The following SMARCA2 variants were observed in gnomAD, a reference collection of about 807,000 sequenced individuals.
The protein encoded by SMARCA2 is SWI/SNF related BAF chromatin remodeling complex subunit ATPase 2.
Under a neutral mutation model 199.8 loss-of-function variants are expected in SMARCA2, and 61 were observed. The ratio of observed to expected loss-of-function variants is 0.31; its 90% confidence interval spans 0.25 to 0.38. SMARCA2 has a LOEUF of 0.38. SMARCA2 is among the 10% of genes least tolerant of loss of function. The pLI is 1.00. For synonymous variants in SMARCA2, 935 were observed against 732.0 expected (o/e 1.28, Z -4.48); for missense variants, 1,344 against 2,012.2 (o/e 0.67, Z 6.35).
In SMARCA2 at chr9:2,047,272, G is replaced by A. The variant is rs1290768464; in HGVS notation, c.834G>A (p.Leu278=). 2 of 1,003,042 alleles carry A rather than the reference G, an allele frequency of 2.0e-6. No individual in the cohort carries two copies. Among genetic ancestry groups the A allele is most frequent in the Non-Finnish European group, 2.4e-6 (2 of 842,466 alleles). 62.1% of individuals were successfully genotyped at this position (1,003,042 alleles called of 1,614,324 possible). Residue 278 remains leucine (L), a synonymous_variant, in exon 5 of 34, where the codon CTG becomes CTA. Transcript: ENST00000349721. Reference sequence around the variant, plus strand: ...GCGGCCCGAGCACCCCGCAGAAGCTGCCGGTGCCCGCGCCCGGCGGCCGGC... The same window carrying A: ...GCGGCCCGAGCACCCCGCAGAAGCTACCGGTGCCCGCGCCCGGCGGCCGGC... ...ELSGPSTPQK[L]PVPAPGGRPS...
intron 9 of SMARCA2, among the ~76,000 whole-genome samples, chr9:2,064,996 A>AAT (rs1354742680): frequency 6.6e-6 from 1 of 152,198 alleles, no homozygotes; most frequent in African/African-American, 2.4e-5. Flanking sequence ...CATCCTGGCT[A>AAT]ACATGTTGAA....
rs770780957 is a variant in SMARCA2 at position 2,182,154 on chromosome 9, A to C, written c.4373A>C (p.Asn1458Thr). Residue 1458 changes from asparagine to threonine, a missense_variant, in exon 31 of 34, where the codon AAT becomes ACT. By Grantham distance (65) the Asn-to-Thr change is moderately conservative. Coordinates refer to ENST00000349721, the MANE Select transcript of SMARCA2 (RefSeq NM_003070.5). The stretch of plus-strand genomic sequence containing the variant: ...AATTTCCATCAGGAAAGGATTCGTA[A>C]TCATAAGTACCGGAGCCTAGGCGAC... Reference protein sequence around the residue: ...DFKKIKERIRNHKYRSLGDLE... With the variant: ...DFKKIKERIRTHKYRSLGDLE... 6.2e-7 allele frequency: 1 copy of C among 1,608,590 alleles called. No homozygotes were observed.
chr9:2,137,216 T>C (rs1824234418), intron 27 of SMARCA2, among the ~76,000 whole-genome samples: 1 of 152,204 alleles, frequency 6.6e-6, no homozygotes, highest in South Asian at 2.1e-4. Context: ...ATTTTTGGCA[T>C]TTTGGAGGAT....
At chr9:2,167,587 C>T (rs1825999382) in intron 28 of SMARCA2, among the ~76,000 whole-genome samples, 1 of 152,222 alleles carries the variant, frequency 6.6e-6, no homozygotes, top group Non-Finnish European at 1.5e-5. Context: ...TGGCTCCTGC[C>T]TCCCTGACAC....
At chr9:2,097,535 A>C in intron 21 of SMARCA2, 64 bp downstream of exon 21, 2 of 1,018,158 alleles carry the variant, frequency 2.0e-6, no homozygotes, top group Non-Finnish European at 2.9e-6. Flanking sequence ...GTTAAAAAAA[A>C]ACAAACAAAC....
chr9:2,156,359 T>C (rs961225666), intron 27 of SMARCA2, among the ~76,000 whole-genome samples: 23 of 151,970 alleles, frequency 1.5e-4, no homozygotes, highest in African/African-American at 5.6e-4. Context: ...ATTTGGTTTC[T>C]TTTCAGGGAC....
intron 1 of SMARCA2, among the ~76,000 whole-genome samples, chr9:2,018,493 T>C (rs1020329071): frequency 2.6e-5 from 4 of 152,366 alleles, no homozygotes; most frequent in Non-Finnish European, 4.4e-5. Flanking sequence ...ACTTTGTATG[T>C]GTACTGTTAG....
intron 2 of SMARCA2, 34 bp from the exon 3 acceptor site, chr9:2,032,918 G>T (rs748163872): frequency 1.2e-6 from 2 of 1,601,106 alleles, no homozygotes; most frequent in Non-Finnish European, 1.7e-6. Context: ...TTACCTTATA[G>T]AGGTGTCTAA....
chr9:2,153,785 T>C (rs1825198330), intron 27 of SMARCA2, among the ~76,000 whole-genome samples: 1 of 152,112 alleles, frequency 6.6e-6, no homozygotes, highest in South Asian at 2.1e-4. Context: ...TGGTTACTTT[T>C]ATGGTTCCAC....
chr9:2,166,939 C>T (rs1017856210), intron 28 of SMARCA2, among the ~76,000 whole-genome samples: 1 of 152,200 alleles, frequency 6.6e-6, no homozygotes, highest in African/African-American at 2.4e-5. Context: ...CTTGCCATGG[C>T]TTTTTCTAAG....
intron 20 of SMARCA2, 102 bp from the exon 21 acceptor site, chr9:2,097,283 C>T: frequency 2.8e-6 from 2 of 725,406 alleles, no homozygotes; most frequent in Admixed American, 4.6e-5. Flanking sequence ...CTGAAAAAAC[C>T]TATGGTCCTT....
At chr9:2,168,192 G>A (rs1379105383) in intron 28 of SMARCA2, among the ~76,000 whole-genome samples, 2 of 151,908 alleles carry the variant, frequency 1.3e-5, no homozygotes, top group Non-Finnish European at 1.5e-5. Context: ...TGTATTTTTG[G>A]TAGAGACAGG....
chr9:2,124,997 A>G (rs1434768507), intron 27 of SMARCA2, among the ~76,000 whole-genome samples: 1 of 152,228 alleles, frequency 6.6e-6, no homozygotes, highest in African/African-American at 2.4e-5. Flanking sequence ...CAAGGGGAGT[A>G]CAGTTCCCAA....
At position 2,085,581 on chromosome 9, in the gene SMARCA2, T is replaced by C. The variant is rs530502245; in HGVS notation, c.2527-1248T>C. The C allele has an allele frequency of 2.6e-5, 4 of 152,308 alleles. No individual in the cohort carries two copies. In the South Asian group the frequency reaches 8.3e-4, roughly 32 times the overall value. 9.4% of individuals were successfully genotyped at this position (152,308 alleles called of 1,614,324 possible). A position where few individuals can be genotyped will look rare whatever the true frequency, so the allele number is the denominator to read the frequency against. ...CTGTTGGTAAGTCTGAGGCAGTTGATTGTACAGCTTTAATTATCCTTAAAC... is the reference window on the plus strand; with the variant it reads ...CTGTTGGTAAGTCTGAGGCAGTTGACTGTACAGCTTTAATTATCCTTAAAC... On this transcript the variant is annotated intron_variant, in intron 17 of 33. Coordinates refer to ENST00000349721, the MANE Select transcript of SMARCA2 (RefSeq NM_003070.5).
chr9:2,156,648 C>G (rs2130737255), intron 27 of SMARCA2, among the ~76,000 whole-genome samples: 1 of 152,170 alleles, frequency 6.6e-6, no homozygotes, highest in East Asian at 1.9e-4. Flanking sequence ...TTAGGCTGGT[C>G]TCAAACTCCC....
chr9:2,192,642 T>G (rs1249312871), intron 33 of SMARCA2, 62 bp from the exon 34 acceptor site: 1 of 1,154,210 alleles, frequency 8.7e-7, no homozygotes, highest in African/African-American at 1.5e-5. Flanking sequence ...TGGTTTGTTG[T>G]TATATCTTCT....
At chr9:2,120,596 A>G (rs1823415544) in intron 26 of SMARCA2, among the ~76,000 whole-genome samples, 1 of 152,202 alleles carries the variant, frequency 6.6e-6, no homozygotes, top group Non-Finnish European at 1.5e-5. Context: ...GCCTAGACAG[A>G]ATGGAACTCC....
intron 27 of SMARCA2, among the ~76,000 whole-genome samples, chr9:2,133,600 G>GT (rs1248045041): frequency 1.4e-5 from 2 of 147,960 alleles, no homozygotes; most frequent in African/African-American, 5.1e-5. Context: ...GTTTTGTTTA[G>GT]TTTTTTTAAT....
chr9:2,041,743 A>G, intron 4 of SMARCA2: 1 of 229,110 alleles, frequency 4.4e-6, no homozygotes, highest in East Asian at 8.7e-5. Context: ...AGGTTATACA[A>G]GAAACTATGC....
Sources: allele counts gnomAD v4.1 joint callset (sites outside exome capture counted in the v4.1 genomes callset), GRCh38; gene constraint gnomAD v4.1.1; transcripts MANE v1.5; gene names NCBI Gene and HGNC (gene_info 2026-07-23, HGNC 2026-07-21).